The following FHDC1 variants were observed in gnomAD, a reference collection of about 807,000 sequenced individuals.
The protein encoded by FHDC1 is FH2 domain-containing protein 1.
In FHDC1, 25 loss-of-function variants were observed where a neutral mutation model predicts 52.6. The ratio of observed to expected loss-of-function variants is 0.48; its 90% CI spans 0.35 to 0.66. The LOEUF is 0.66. FHDC1 is among the 30% of genes least tolerant of loss of function. The pLI, the probability that FHDC1 is intolerant of heterozygous loss-of-function variation, is 0.01. For missense variants in FHDC1, 1,459 were observed against 1,452.8 expected (o/e 1.00, Z -0.07); for synonymous variants, 616 against 581.5 (o/e 1.06, Z -0.85).
At position 152,976,712 on chromosome 4, in the gene FHDC1, T is replaced by A; in HGVS notation, c.3421T>A (p.Leu1141Ile). Reference sequence around the variant, plus strand: ...CACGCTGGGGAGAATCCTCAATCCCTTACGGAAGTGATGGGTGCCTGTCCT... The same window carrying A: ...CACGCTGGGGAGAATCCTCAATCCCATACGGAAGTGATGGGTGCCTGTCCT... ...RTTLGRILNP[L>I]RK The change falls in exon 12 of 12, where the codon TTA becomes ATA. Residue 1141 changes from leucine to isoleucine, a missense_variant. Around this residue, in one of 3 missense-constraint regions of FHDC1, gnomAD observed 939 missense variants for 854.5 expected, o/e 1.10. Transcript: ENST00000511601. 6.8e-7 allele frequency: 1 copy of A among 1,481,006 alleles called. No individual in the cohort carries two copies. The highest frequency in any genetic ancestry group is 9.0e-7 in the Non-Finnish European group (1 of 1,113,358). The allele number at this position is 1,481,006 out of a possible 1,614,324, so 91.7% of individuals were successfully genotyped here.
intron 1 of FHDC1, among the ~76,000 whole-genome samples, chr4:152,937,744 C>T (rs1045831971): frequency 2.8e-4 from 42 of 152,072 alleles, no homozygotes; most frequent in African/African-American, 9.9e-4. Flanking sequence ...GCCGCGACGC[C>T]CTTCTGCCCG....
At chr4:152,954,687 TAAAA>T (rs1185602544) in intron 4 of FHDC1, among the ~76,000 whole-genome samples, 3 of 148,610 alleles carry the variant, frequency 2.0e-5, no homozygotes, top group Non-Finnish European at 4.5e-5. Flanking sequence ...AATCTGTCTC[TAAAA>T]AAAAAAGAAA....
intron 2 of FHDC1, among the ~76,000 whole-genome samples, chr4:152,945,381 T>A (rs1440377711): frequency 2.0e-5 from 3 of 152,252 alleles, no homozygotes; most frequent in African/African-American, 7.2e-5. Context: ...TTAAGAATTA[T>A]GTTTTTAAAT....
the FHDC1 span, among the ~76,000 whole-genome samples, chr4:152,917,322 C>T: frequency 4.1e-4 from 62 of 152,172 alleles, no homozygotes; most frequent in Admixed American, 9.8e-4. Flanking sequence ...CTTGAGACCG[C>T]TTAAAAATAA....
chr4:152,953,377 A>G, intron 2 of FHDC1, 122 bp from the exon 3 acceptor site: 1 of 726,356 alleles, frequency 1.4e-6, no homozygotes. Context: ...CACCAGATTT[A>G]TACATTGGGA....
Position 152,943,472 on chromosome 4 carries a change from G to T in FHDC1, c.415G>T (p.Gly139Trp). The change falls in exon 2 of 12, where the codon GGG becomes TGG. Residue 139 changes from glycine to tryptophan, a missense_variant. By Grantham distance (184) the Gly-to-Trp change is radical. Transcript: ENST00000511601. ...TACAAAGACCATTGAGGAGCTCTTT[G>T]GGCAGCAGGAAGACACCACCAAGTC... ...IDTKTIEELF[G>W]QQEDTTKSSL... 6.2e-7 allele frequency: 1 copy of T among 1,614,102 alleles called. No individual in the cohort carries two copies. Among genetic ancestry groups the T allele is most frequent in the African/African-American group, 1.3e-5 (1 of 75,008 alleles).
intron 4 of FHDC1, among the ~76,000 whole-genome samples, chr4:152,958,306 GT>G (rs1011433307): frequency 6.6e-6 from 1 of 151,800 alleles, no homozygotes; most frequent in South Asian, 2.1e-4. Context: ...TTTAATCAAT[GT>G]TTTTTTTGGT....
Position 152,943,488 on chromosome 4 carries a change from C to T in FHDC1, c.431C>T (p.Thr144Ile). The change falls in exon 2 of 12, where the codon ACC becomes ATC. Residue 144 changes from threonine to isoleucine, a missense_variant. Coordinates refer to ENST00000511601, the MANE Select transcript of FHDC1 (RefSeq NM_001371116.1). ...IEELFGQQED[T>I]TKSSLPRRGR... ...GAGCTCTTTGGGCAGCAGGAAGACA[C>T]CACCAAGTCTTCCCTTCCTAGGAGA... 6.2e-7 allele frequency: 1 copy of T among 1,613,988 alleles called. No individual in the cohort carries two copies. Among genetic ancestry groups the T allele is most frequent in the South Asian group, 1.1e-5 (1 of 91,064 alleles).
At position 152,975,704 on chromosome 4, in the gene FHDC1, G is replaced by A; in HGVS notation, c.2413G>A (p.Asp805Asn). The A allele has an allele frequency of 1.9e-6, 3 of 1,611,218 alleles. No individual in the cohort carries two copies. Among genetic ancestry groups the A allele is most frequent in the Non-Finnish European group, 2.5e-6 (3 of 1,178,348 alleles). The change falls in exon 12 of 12, where the codon GAT (aspartate) becomes AAT (asparagine). Residue 805 changes from aspartate (D) to asparagine (N), a missense_variant. Asp to Asn is a conservative substitution (Grantham distance 23). Around this residue, in one of 3 missense-constraint regions of FHDC1, gnomAD observed 939 missense variants for 854.5 expected, o/e 1.10. Transcript: ENST00000511601. ...GGACCCGGAGGAAGGCGGGGAAGGG[G>A]ATGGCTCCATGTCCTCTGGGGTTGG... ...GGDPEEGGEGDGSMSSGVGEM... is the reference protein window; with the variant it reads ...GGDPEEGGEGNGSMSSGVGEM...
the FHDC1 span, among the ~76,000 whole-genome samples, chr4:152,921,076 C>T: frequency 6.6e-6 from 1 of 151,970 alleles, no homozygotes; most frequent in Non-Finnish European, 1.5e-5. Context: ...AATTATTTCT[C>T]ATATAAAATT....
rs1328638754 is a variant in FHDC1, at chr4:152,936,384, C to T, written c.-156C>T. 1 of 152,162 alleles carries T rather than the reference C, an allele frequency of 6.6e-6. No homozygotes were observed. The highest frequency in any genetic ancestry group is 2.4e-5 in the African/African-American group (1 of 41,402). 9.4% of individuals were successfully genotyped at this position (152,162 alleles called of 1,614,324 possible). ...CGGGAGGCTGCAGCGGTCTGCGCGCCGGGAGCGGGGGCGCGCTGGCCGCGG... is the reference window on the plus strand; with the variant it reads ...CGGGAGGCTGCAGCGGTCTGCGCGCTGGGAGCGGGGGCGCGCTGGCCGCGG... On this transcript the variant is annotated 5_prime_UTR_variant, in exon 1 of 12. Coordinates refer to ENST00000511601, the MANE Select transcript of FHDC1 (RefSeq NM_001371116.1).
chr4:152,923,787 G>A, the FHDC1 span, among the ~76,000 whole-genome samples: 1 of 151,936 alleles, frequency 6.6e-6, no homozygotes, highest in Admixed American at 6.6e-5. Context: ...ATGGTGCCTG[G>A]AAAACTGGCT....
rs769151222 is a variant in FHDC1, at chr4:152,976,051, A to G, written c.2760A>G (p.Pro920=). 6 of 1,588,896 alleles carry G rather than the reference A, an allele frequency of 3.8e-6. No homozygotes were observed. Among genetic ancestry groups the G allele is most frequent in the Non-Finnish European group, 5.1e-6 (6 of 1,169,992 alleles). The change falls in exon 12 of 12, where the codon CCA becomes CCG. Residue 920 remains proline (P), a synonymous_variant. Coordinates refer to ENST00000511601, the MANE Select transcript of FHDC1 (RefSeq NM_001371116.1). ...GCAGAGGCGCCGGCTGGAGGCGACCAGAGCTGTCATCCCGGGGGCCCTCCC... is the reference window on the plus strand; with the variant it reads ...GCAGAGGCGCCGGCTGGAGGCGACCGGAGCTGTCATCCCGGGGGCCCTCCC... ...KSSRGAGWRR[P]ELSSRGPSQN...
At chr4:152,953,634 G>A (rs867851879) in intron 3 of FHDC1, 74 bp downstream of exon 3, 22 of 1,293,364 alleles carry the variant, frequency 1.7e-5, no homozygotes, top group Middle Eastern at 1.8e-4. Context: ...GTGTGACTGA[G>A]CTGGAATTCA....
the FHDC1 span, among the ~76,000 whole-genome samples, chr4:152,915,954 G>A: frequency 3.3e-5 from 5 of 152,052 alleles, no homozygotes; most frequent in Admixed American, 6.6e-5. Flanking sequence ...ACAGTATCAC[G>A]TATTTCTGCT....
intron 8 of FHDC1, among the ~76,000 whole-genome samples, 192 bp downstream of exon 8, chr4:152,963,322 G>A (rs1189478264): frequency 3.9e-5 from 6 of 152,202 alleles, no homozygotes; most frequent in African/African-American, 1.4e-4. Context: ...AGGGCTGAAG[G>A]GAAGTGGGAG....
chr4:152,955,770 A>C (rs1440064492), intron 4 of FHDC1, among the ~76,000 whole-genome samples: 1 of 152,192 alleles, frequency 6.6e-6, no homozygotes, highest in Non-Finnish European at 1.5e-5. Context: ...GAGCCACTGC[A>C]CCTGGCCAAC....
rs758348248 is a variant in FHDC1, at chr4:152,976,620, A to G, written c.3329A>G (p.Glu1110Gly). ...ESAEGPSANT[E>G]APLKARGAGE... ...GCGGAGGGTCCCAGTGCCAACACGG[A>G]GGCCCCTCTGAAGGCCAGAGGGGCT... The change falls in exon 12 of 12, where the codon GAG (glutamate) becomes GGG (glycine). Residue 1110 changes from glutamate (E) to glycine (G), a missense_variant. This residue lies in a region of FHDC1 where 939 missense variants were observed against 854.5 expected (regional missense o/e 1.10). Transcript: ENST00000511601. 6.2e-7 allele frequency: 1 copy of G among 1,608,058 alleles called. No homozygotes were observed.
intron 2 of FHDC1, among the ~76,000 whole-genome samples, chr4:152,949,689 C>T (rs1579086645): frequency 6.6e-6 from 1 of 152,126 alleles, no homozygotes; most frequent in African/African-American, 2.4e-5. Context: ...AGCCACATGT[C>T]TCACTGAGTG....
Sources: allele counts gnomAD v4.1 joint callset (sites outside exome capture counted in the v4.1 genomes callset), GRCh38; gene constraint gnomAD v4.1.1; regional missense constraint gnomAD v4.1.1; transcripts MANE v1.5; gene names NCBI Gene and HGNC (gene_info 2026-07-23, HGNC 2026-07-21).